Variants in ELMO1 observed in about 807,000 individuals in gnomAD.
ELMO1 encodes the protein engulfment and cell motility 1.
In ELMO1, 26 loss-of-function variants were observed where a neutral mutation model predicts 98.9. The observed-to-expected ratio is 0.26, with a 90% CI of 0.19 to 0.36. ELMO1 has a LOEUF of 0.36. Ranked by LOEUF, ELMO1 falls within the 10% of genes least tolerant of loss-of-function variation. The probability of loss-of-function intolerance (pLI) is 1.00; values close to 1 mark genes in which losing one functional copy is unlikely to be tolerated. For synonymous variants in ELMO1, 346 were observed against 346.0 expected (o/e 1.00, Z 0.00); for missense variants, 627 against 935.2 (o/e 0.67, Z 4.30).
intron 16 of ELMO1, among the ~76,000 whole-genome samples, chr7:36,954,541 A>G (rs1788282122): frequency 6.6e-6 from 1 of 152,180 alleles, no homozygotes; most frequent in African/African-American, 2.4e-5. Context: ...CACAAGCACA[A>G]CATAGGAGTT....
At chr7:37,311,496 G>T (rs1340550977) in intron 4 of ELMO1, among the ~76,000 whole-genome samples, 1 of 152,156 alleles carries the variant, frequency 6.6e-6, no homozygotes. Context: ...AAATCACTGG[G>T]CTGTAAGTAA....
At chr7:37,303,092 T>A (rs975625536) in intron 4 of ELMO1, among the ~76,000 whole-genome samples, 2 of 152,180 alleles carry the variant, frequency 1.3e-5, no homozygotes, top group Non-Finnish European at 2.9e-5. Flanking sequence ...GGTCACCAGT[T>A]TATGCTCATA....
At chr7:37,073,297 A>G (rs1797378620) in intron 15 of ELMO1, among the ~76,000 whole-genome samples, 1 of 152,224 alleles carries the variant, frequency 6.6e-6, no homozygotes, top group African/African-American at 2.4e-5. Context: ...GAAGGAAAAA[A>G]GAAACCAGGA....
chr7:37,252,758 C>A (rs1562555946), intron 6 of ELMO1, among the ~76,000 whole-genome samples: 1 of 152,082 alleles, frequency 6.6e-6, no homozygotes, highest in Non-Finnish European at 1.5e-5. Context: ...AGAGCTTCTG[C>A]ACAGCAAAGG....
chr7:37,292,729 A>G (rs1439188650), intron 4 of ELMO1, among the ~76,000 whole-genome samples: 1 of 81,566 alleles, frequency 1.2e-5, no homozygotes. Context: ...CCCGTCCGGG[A>G]GGGAGGTGGG....
intron 16 of ELMO1, among the ~76,000 whole-genome samples, chr7:36,947,268 C>T (rs1488222460): frequency 6.6e-6 from 1 of 152,244 alleles, no homozygotes; most frequent in East Asian, 1.9e-4. Flanking sequence ...TTGAGCAGGA[C>T]AGTATCTCCA....
At chr7:37,164,609 T>G (rs1789503989) in intron 13 of ELMO1, among the ~76,000 whole-genome samples, 1 of 152,140 alleles carries the variant, frequency 6.6e-6, no homozygotes, top group Non-Finnish European at 1.5e-5. Flanking sequence ...TTTCCCTATT[T>G]CTTGTTTTTC....
At chr7:37,259,063 T>C in intron 6 of ELMO1, 118 bp downstream of exon 6, 7 of 1,198,468 alleles carry the variant, frequency 5.8e-6, no homozygotes, top group Non-Finnish European at 7.7e-6. Context: ...ATTTTTTTCC[T>C]GAGTCTAACC....
intron 16 of ELMO1, among the ~76,000 whole-genome samples, chr7:36,915,768 T>G (rs1784643877): frequency 1.3e-5 from 2 of 152,192 alleles, no homozygotes; most frequent in Admixed American, 1.3e-4. Flanking sequence ...GGAGGATGAA[T>G]GCAGCCAGAA....
In ELMO1 at chr7:37,416,144, A is replaced by C. The variant is rs114706360; in HGVS notation, c.-74+32531T>G. ...CTTTATTGGGCTTCCATCTAAAGCTAAGCTTTACTTAGGCTTTCAAATTGT... is the reference window on the plus strand; with the variant it reads ...CTTTATTGGGCTTCCATCTAAAGCTCAGCTTTACTTAGGCTTTCAAATTGT... On this transcript the variant is annotated intron_variant, in intron 1 of 21. Transcript: ENST00000310758. Among the ~76,000 whole-genome samples, 1,098 of 152,246 alleles carry C rather than the reference A, an allele frequency of 7.2e-3. 11 individuals carry two copies. The highest frequency in any genetic ancestry group is 0.026 in the African/African-American group (1,067 of 41,492).
chr7:37,014,805 C>A (rs1186321804), intron 15 of ELMO1, among the ~76,000 whole-genome samples: 1 of 151,686 alleles, frequency 6.6e-6, no homozygotes, highest in Non-Finnish European at 1.5e-5. Flanking sequence ...CCCTGGAAGT[C>A]CAGGACAGGA....
chr7:37,369,808 A>G (rs937421260), intron 1 of ELMO1, among the ~76,000 whole-genome samples: 1 of 152,158 alleles, frequency 6.6e-6, no homozygotes, highest in Non-Finnish European at 1.5e-5. Context: ...GAGAGAAGAT[A>G]TCTTCAATGG....
At chr7:37,167,167 CT>C (rs1243943225) in intron 13 of ELMO1, among the ~76,000 whole-genome samples, 4 of 150,720 alleles carry the variant, frequency 2.7e-5, no homozygotes, top group Admixed American at 2.6e-4. Flanking sequence ...CAACCCCTGC[CT>C]TTTTTTGTTT....
At chr7:37,339,612 A>C (rs1342424502) in intron 2 of ELMO1, among the ~76,000 whole-genome samples, 1 of 152,196 alleles carries the variant, frequency 6.6e-6, no homozygotes, top group Non-Finnish European at 1.5e-5. Context: ...ATTGCATGTG[A>C]AAACATACTT....
chr7:36,961,129 C>CA (rs1300379331), intron 16 of ELMO1, among the ~76,000 whole-genome samples: 2 of 152,188 alleles, frequency 1.3e-5, no homozygotes, highest in African/African-American at 2.4e-5. Context: ...TTTGAAAACT[C>CA]AGACAGGCTA....
intron 4 of ELMO1, among the ~76,000 whole-genome samples, chr7:37,281,281 G>A (rs962417280): frequency 6.6e-6 from 1 of 152,028 alleles, no homozygotes; most frequent in Admixed American, 6.6e-5. Context: ...ATGGTGCAGT[G>A]TATACTGCTT....
In ELMO1 at chr7:37,039,029, A is replaced by G. The variant is rs1191410046; in HGVS notation, c.1301-25594T>C. ...AAATATACATTTGGAGGGAGGACAC[A>G]CTTAAGTTAGTAGCACTTGGAAACT... is the stretch of plus-strand genomic sequence containing the variant. On this transcript the variant is annotated intron_variant, in intron 15 of 21. Coordinates refer to ENST00000310758, the MANE Select transcript of ELMO1 (RefSeq NM_014800.11). Among the ~76,000 whole-genome samples the G allele has an allele frequency of 2.0e-5, 3 of 152,210 alleles. No individual in the cohort carries two copies. In the East Asian group the frequency reaches 5.8e-4, roughly 29 times the overall value.
chr7:37,141,819 C>T (rs185792215), intron 13 of ELMO1, among the ~76,000 whole-genome samples: 1 of 152,148 alleles, frequency 6.6e-6, no homozygotes, highest in African/African-American at 2.4e-5. Flanking sequence ...GATCAAACAA[C>T]CCACACTTTT....
intron 1 of ELMO1, among the ~76,000 whole-genome samples, chr7:37,374,154 T>C (rs1802230183): frequency 6.6e-6 from 1 of 152,154 alleles, no homozygotes; most frequent in South Asian, 2.1e-4. Flanking sequence ...TTAACAACAA[T>C]ACAGGGTGCA....
Sources: allele counts gnomAD v4.1 joint callset (sites outside exome capture counted in the v4.1 genomes callset), GRCh38; gene constraint gnomAD v4.1.1; transcripts MANE v1.5; gene names NCBI Gene and HGNC (gene_info 2026-07-23, HGNC 2026-07-21).